Variants in DRAM1 observed in about 807,000 individuals in gnomAD.
The protein encoded by DRAM1 is DNA damage-regulated autophagy modulator protein 1.
In DRAM1, 25 loss-of-function variants were observed where a neutral mutation model predicts 28.5. The observed-to-expected ratio is 0.88, with a 90% CI of 0.64 to 1.23. DRAM1 has a LOEUF of 1.23. Ranked by LOEUF, DRAM1 falls within the 50% of genes most tolerant of loss-of-function variation. The probability of loss-of-function intolerance (pLI) is 0.00; values close to 1 mark genes in which losing one functional copy is unlikely to be tolerated. For synonymous variants in DRAM1, 113 were observed against 114.2 expected (o/e 0.99, Z 0.07); for missense variants, 249 against 299.2 (o/e 0.83, Z 1.24).
chr12:101,910,773 C>T (rs1594309404), intron 4 of DRAM1, among the ~76,000 whole-genome samples: 3 of 152,046 alleles, frequency 2.0e-5, no homozygotes, highest in Non-Finnish European at 2.9e-5. Flanking sequence ...GCCACTGTGC[C>T]TGGCCTCTAG....
intron 6 of DRAM1, 31 bp downstream of exon 6, chr12:101,920,232 T>A (rs199592579): frequency 2.0e-6 from 3 of 1,498,508 alleles, no homozygotes; most frequent in Non-Finnish European, 2.8e-6. Context: ...ATGTTTTAAA[T>A]TGCGGACAAT....
chr12:101,895,194 T>TTTTTTTGTTTTTTTTTTTTTG (rs1873308093), intron 1 of DRAM1, among the ~76,000 whole-genome samples: 4 of 126,396 alleles, frequency 3.2e-5, no homozygotes, highest in Non-Finnish European at 4.9e-5. Context: ...AGGTTTTTTT[T>TTTTTTTGTTTTTTTTTTTTTG]TTTTTTTTTT....
At chr12:101,897,519 C>A (rs1435150764) in intron 1 of DRAM1, among the ~76,000 whole-genome samples, 3 of 134,112 alleles carry the variant, frequency 2.2e-5, no homozygotes, top group Admixed American at 7.8e-5. Flanking sequence ...GATTTTAGAT[C>A]TTTTTTTTTT....
At chr12:101,882,936 C>A (rs1458611732) in intron 1 of DRAM1, among the ~76,000 whole-genome samples, 5 of 139,390 alleles carry the variant, frequency 3.6e-5, no homozygotes, top group Non-Finnish European at 7.5e-5. Flanking sequence ...CTTTGAATAA[C>A]AAAAGATTGG....
chr12:101,911,964 C>G (rs147899394), intron 4 of DRAM1, among the ~76,000 whole-genome samples: 1 of 151,964 alleles, frequency 6.6e-6, no homozygotes, highest in African/African-American at 2.4e-5. Flanking sequence ...TTTGGGAGGC[C>G]GAGGTGGGCA....
intron 5 of DRAM1, among the ~76,000 whole-genome samples, chr12:101,918,360 T>G (rs1204140279): frequency 6.6e-6 from 1 of 152,232 alleles, no homozygotes; most frequent in Non-Finnish European, 1.5e-5. Flanking sequence ...TCTGCCTTTA[T>G]TTTTAGAAGC....
rs772654669 is a variant in DRAM1, at chr12:101,901,371, T to C, written c.280T>C (p.Leu94=). The change falls in exon 3 of 7, where the codon TTG becomes CTG. Residue 94 remains leucine, a synonymous_variant. Coordinates refer to ENST00000258534, the MANE Select transcript of DRAM1 (RefSeq NM_018370.3). ...TCYFSTPVFN[L]VSLVLGLVGC... ...CTATTTCAGCACTCCTGTTTTTAAC[T>C]TGGTGTCTTTAGTGCTTGGATTGGT... 1.2e-6 allele frequency: 2 copies of C among 1,614,196 alleles called. No homozygotes were observed. The highest frequency in any genetic ancestry group is 2.2e-5 in the East Asian group (1 of 44,880).
Position 101,920,297 on chromosome 12 carries a change from C to CTT in DRAM1, c.672+114_672+115dup, listed in dbSNP as rs373899697. 4.6e-3 allele frequency: 1,276 copies of CTT among 275,708 alleles called. 1 individual carries two copies. The highest frequency in any genetic ancestry group is 7.6e-3 in the Middle Eastern group (6 of 788). 17.1% of individuals were successfully genotyped at this position (275,708 alleles called of 1,614,324 possible). A position where few individuals can be genotyped will look rare whatever the true frequency, so the allele number is the denominator to read the frequency against. ...TTTGCATTTTTAAAAAGAGCACTTT[C>CTT]TTTTTTTTTTTTTTTTTTTGAGACG... On this transcript the variant is annotated intron_variant, in intron 6 of 6. Coordinates refer to ENST00000258534, the MANE Select transcript of DRAM1 (RefSeq NM_018370.3).
intron 1 of DRAM1, among the ~76,000 whole-genome samples, chr12:101,893,195 A>G (rs1873204403): frequency 6.6e-6 from 1 of 152,218 alleles, no homozygotes; most frequent in South Asian, 2.1e-4. Flanking sequence ...TCTCATCACC[A>G]TGCTGGTTCA....
chr12:101,893,771 AT>A (rs57069274), intron 1 of DRAM1, among the ~76,000 whole-genome samples: 6,026 of 142,318 alleles, frequency 0.042, 192 homozygotes, highest in African/African-American at 0.095. Flanking sequence ...GATTAGGTCA[AT>A]TTTTTTTTTT....
At position 101,901,443 on chromosome 12, in the gene DRAM1, G is replaced by A; in HGVS notation, c.342+10G>A. 1 of 1,613,252 alleles carries A rather than the reference G, an allele frequency of 6.2e-7. No homozygotes were observed. Among genetic ancestry groups the A allele is most frequent in the Admixed American group, 1.7e-5 (1 of 59,870 alleles). ...TGTCGCCAATTTTCAGGTATAATCT[G>A]GAGCTTTTTCAGTTATGAGGAGTGG... On this transcript the variant is annotated intron_variant, in intron 3 of 6. Transcript: ENST00000258534.
At chr12:101,894,230 G>C (rs2121066949) in intron 1 of DRAM1, among the ~76,000 whole-genome samples, 1 of 152,232 alleles carries the variant, frequency 6.6e-6, no homozygotes, top group Non-Finnish European at 1.5e-5. Flanking sequence ...TGATTCTCCT[G>C]CCTCAGCCTC....
At chr12:101,887,211 A>T (rs191074083) in intron 1 of DRAM1, among the ~76,000 whole-genome samples, 25 of 152,280 alleles carry the variant, frequency 1.6e-4, no homozygotes, top group Admixed American at 1.6e-3. Context: ...GTCCGAAAAA[A>T]ATTTGTAGCC....
chr12:101,912,486 C>T (rs1037204443), intron 4 of DRAM1, among the ~76,000 whole-genome samples: 4 of 152,152 alleles, frequency 2.6e-5, no homozygotes, highest in Non-Finnish European at 5.9e-5. Flanking sequence ...ACCCCCAGAC[C>T]AGAATGGTAC....
At chr12:101,889,844 G>A (rs1412085361) in intron 1 of DRAM1, among the ~76,000 whole-genome samples, 1 of 150,034 alleles carries the variant, frequency 6.7e-6, no homozygotes, top group African/African-American at 2.5e-5. Flanking sequence ...GGAGGCTGAG[G>A]CACGAGAATT....
chr12:101,894,046 T>C (rs1873248464), intron 1 of DRAM1, among the ~76,000 whole-genome samples: 1 of 152,142 alleles, frequency 6.6e-6, no homozygotes, highest in Non-Finnish European at 1.5e-5. Context: ...TCTTTCCACC[T>C]TAGCCTCCCA....
intron 6 of DRAM1, 48 bp downstream of exon 6, chr12:101,920,249 T>G (rs1346965926): frequency 1.4e-6 from 2 of 1,382,428 alleles, no homozygotes; most frequent in Middle Eastern, 3.7e-4. Context: ...CAATTAGGAT[T>G]AGTAAAAATT....
At chr12:101,893,222 G>T (rs1873205337) in intron 1 of DRAM1, among the ~76,000 whole-genome samples, 1 of 152,202 alleles carries the variant, frequency 6.6e-6, no homozygotes, top group African/African-American at 2.4e-5. Flanking sequence ...TGGTGTGCTG[G>T]AGCTAGCTGG....
At chr12:101,894,427 T>A (rs1392979365) in intron 1 of DRAM1, among the ~76,000 whole-genome samples, 2 of 152,122 alleles carry the variant, frequency 1.3e-5, no homozygotes, top group African/African-American at 4.8e-5. Flanking sequence ...AATTTTTGTA[T>A]TTTTTGTAGA....
Sources: gnomAD v4.1 joint callset for allele counts (sites outside exome capture counted in the v4.1 genomes callset) on GRCh38, gnomAD v4.1.1 for gene constraint, MANE v1.5 for transcripts, NCBI Gene and HGNC (gene_info 2026-07-23, HGNC 2026-07-21) for gene names.